NDUFAF5: variants seen among roughly 807,000 people sequenced by gnomAD.
The protein encoded by NDUFAF5 is arginine-hydroxylase NDUFAF5, mitochondrial.
A neutral mutation model predicts 48.9 loss-of-function variants in NDUFAF5; 34 were observed. The observed-to-expected ratio is 0.70, with a 90% CI of 0.53 to 0.93. The LOEUF (loss-of-function observed/expected upper bound fraction) is 0.93, where lower values mean the gene tolerates loss of function less well. Ranked by LOEUF, NDUFAF5 falls within the 40% of genes least tolerant of loss-of-function variation. The probability of loss-of-function intolerance (pLI) is 0.00; values close to 1 mark genes in which losing one functional copy is unlikely to be tolerated. For missense variants in NDUFAF5, 428 were observed against 427.5 expected, an observed-to-expected ratio of 1.00 and a Z score of -0.01; for synonymous variants, 153 against 150.6, an observed-to-expected ratio of 1.02 and a Z score of -0.12.
rs761678176 is a variant in NDUFAF5 at position 13,785,096 on chromosome 20, T to G, written c.28T>G (p.Leu10Val). The G allele has an allele frequency of 6.2e-7, 1 of 1,613,200 alleles. No homozygotes were observed. Among genetic ancestry groups the G allele is most frequent in the Non-Finnish European group, 8.5e-7 (1 of 1,179,924 alleles). MLRPAGLWR[L>V]CRRPWAARVP... ...GCTGCGGCCGGCAGGGCTCTGGCGC[T>G]TATGTCGGCGACCTTGGGCGGCGAG... is the stretch of plus-strand genomic sequence containing the variant. Residue 10 changes from leucine (L) to valine (V), a missense_variant, in exon 1 of 11, where the codon TTA becomes GTA. By Grantham distance (32) the Leu-to-Val change is conservative. Coordinates refer to ENST00000378106, the MANE Select transcript of NDUFAF5 (RefSeq NM_024120.5).
At chr20:13,786,197 A>G (rs1412817464) in intron 1 of NDUFAF5, among the ~76,000 whole-genome samples, 5 of 152,220 alleles carry the variant, frequency 3.3e-5, no homozygotes. Flanking sequence ...TAATGCAACA[A>G]ACAGTTATTG....
intron 8 of NDUFAF5, among the ~76,000 whole-genome samples, chr20:13,810,078 G>T (rs191451816): frequency 1.2e-4 from 18 of 152,326 alleles, no homozygotes; most frequent in African/African-American, 4.1e-4. Context: ...ATGTGGGTAG[G>T]TAGCTCAGAG....
intron 2 of NDUFAF5, among the ~76,000 whole-genome samples, chr20:13,788,195 G>A (rs1981535837): frequency 1.3e-5 from 2 of 152,178 alleles, no homozygotes; most frequent in Admixed American, 1.3e-4. Flanking sequence ...TGATTTCTAA[G>A]TATTCCACTG....
At chr20:13,808,067 C>T (rs1985333544) in intron 7 of NDUFAF5, among the ~76,000 whole-genome samples, 2 of 152,200 alleles carry the variant, frequency 1.3e-5, no homozygotes, top group South Asian at 2.1e-4. Context: ...AGCCCATCTC[C>T]ATCTTGTAGC....
intron 1 of NDUFAF5, 149 bp from the exon 2 acceptor site, chr20:13,787,163 T>C (rs1600313715): frequency 1.2e-6 from 1 of 855,190 alleles, no homozygotes; most frequent in South Asian, 1.4e-5. Flanking sequence ...TTTTGTTTCC[T>C]GGTGGTTTGA....
At position 13,785,093 on chromosome 20, in the gene NDUFAF5, C is replaced by T. The variant is rs768566143; in HGVS notation, c.25C>T (p.Arg9Cys). 8 of 1,612,778 alleles carry T rather than the reference C, an allele frequency of 5.0e-6. No homozygotes were observed. The highest frequency in any genetic ancestry group is 2.2e-5 in the East Asian group (1 of 44,888). Reference sequence around the variant, plus strand: ...GATGCTGCGGCCGGCAGGGCTCTGGCGCTTATGTCGGCGACCTTGGGCGGC... The same window carrying T: ...GATGCTGCGGCCGGCAGGGCTCTGGTGCTTATGTCGGCGACCTTGGGCGGC... Reference protein sequence around the residue: MLRPAGLWRLCRRPWAARV... With the variant: MLRPAGLWCLCRRPWAARV... The change falls in exon 1 of 11, where the codon CGC (arginine) becomes TGC (cysteine). Residue 9 changes from arginine (R) to cysteine (C), a missense_variant. Transcript: ENST00000378106.
chr20:13,785,366 G>A, intron 1 of NDUFAF5, 76 bp downstream of exon 1: 1 of 1,327,090 alleles, frequency 7.5e-7, no homozygotes, highest in South Asian at 1.3e-5. Context: ...TTCCGGCTAG[G>A]CCCCGAGCTC....
chr20:13,816,461 AG>A lies in NDUFAF5; in HGVS notation c.779del, dbSNP rs1487531695. The A allele has an allele frequency of 1.9e-6, 3 of 1,610,154 alleles. No individual in the cohort carries two copies. Among genetic ancestry groups the A allele is most frequent in the Admixed American group, 1.7e-5 (1 of 59,998 alleles). On this transcript the variant is annotated splice_acceptor_variant, in intron 8 of 10. Transcript: ENST00000378106. LOFTEE classifies it high-confidence loss of function. ...CTCAAACTACCTGTAGTGTATTTGTAGGTATGGGTGAGAGTAACTGTGCTTG... is the reference window on the plus strand; with the variant it reads ...CTCAAACTACCTGTAGTGTATTTGTAGTATGGGTGAGAGTAACTGTGCTTG...
intron 3 of NDUFAF5, 91 bp from the exon 4 acceptor site, chr20:13,793,089 T>C: frequency 3.5e-6 from 5 of 1,418,250 alleles, no homozygotes; most frequent in Non-Finnish European, 5.0e-6. Context: ...AAGCTGAAAA[T>C]TAAAATGTAA....
At chr20:13,804,166 C>A (rs1041472030) in intron 7 of NDUFAF5, among the ~76,000 whole-genome samples, 6 of 152,186 alleles carry the variant, frequency 3.9e-5, no homozygotes, top group African/African-American at 1.4e-4. Context: ...ACCTTAGTAA[C>A]AGAGCTAGAT....
rs578119329 is a variant in NDUFAF5 at position 13,793,414 on chromosome 20, C to T, written c.375+187C>T. On this transcript the variant is annotated intron_variant, in intron 4 of 10. Transcript: ENST00000378106. ...CCCTAGTCCTACCATTCAGAGGCAA[C>T]CATTGGTGGCACTTGGTCTCCACAT... Among the ~76,000 whole-genome samples the T allele has an allele frequency of 2.6e-5, 4 of 152,298 alleles. No individual in the cohort carries two copies. The East Asian group carries it at 7.7e-4, about 29-fold the overall frequency.
chr20:13,809,008 G>A, intron 8 of NDUFAF5, 106 bp downstream of exon 8: 3 of 764,216 alleles, frequency 3.9e-6, no homozygotes, highest in Non-Finnish European at 7.0e-6. Context: ...CAGCTCTTTG[G>A]CAGGCACTGG....
intron 6 of NDUFAF5, 41 bp from the exon 7 acceptor site, chr20:13,801,445 A>G (rs1449751996): frequency 1.5e-6 from 2 of 1,301,802 alleles, no homozygotes; most frequent in Non-Finnish European, 2.2e-6. Context: ...ATTTATATAT[A>G]TAAAAATTTG....
chr20:13,801,741 C>G, intron 7 of NDUFAF5, 58 bp downstream of exon 7: 1 of 1,427,840 alleles, frequency 7.0e-7, no homozygotes. Flanking sequence ...AACTTCTTAT[C>G]ATTTTAAAGA....
rs758325147 is a variant in NDUFAF5, at chr20:13,817,271, TA to T, written c.*65del. 8.1e-7 allele frequency: 1 copy of T among 1,229,886 alleles called. No individual in the cohort carries two copies. Among genetic ancestry groups the T allele is most frequent in the South Asian group, 1.2e-5 (1 of 83,198 alleles). 76.2% of individuals were successfully genotyped at this position (1,229,886 alleles called of 1,614,324 possible). On this transcript the variant is annotated 3_prime_UTR_variant, in exon 11 of 11. Transcript: ENST00000378106. ...ATCAGAAATGGATAGCTTTAACATCTAAAATTATTATATTTTGAAGCAAGAA... is the reference window on the plus strand; with the variant it reads ...ATCAGAAATGGATAGCTTTAACATCTAAATTATTATATTTTGAAGCAAGAA...
intron 5 of NDUFAF5, among the ~76,000 whole-genome samples, chr20:13,796,423 C>G (rs545629204): frequency 3.4e-4 from 52 of 152,260 alleles, no homozygotes; most frequent in Middle Eastern, 6.8e-3. Context: ...AATTCTGTTG[C>G]TTTCTGTTTT....
At chr20:13,814,033 A>G (rs1348818570) in intron 8 of NDUFAF5, 1 of 192,132 alleles carries the variant, frequency 5.2e-6, no homozygotes, top group Non-Finnish European at 1.1e-5. Flanking sequence ...TGAGGAAGGG[A>G]AGACTAGAGC....
intron 7 of NDUFAF5, among the ~76,000 whole-genome samples, chr20:13,806,727 C>T (rs2147583065): frequency 6.6e-6 from 1 of 152,254 alleles, no homozygotes; most frequent in East Asian, 1.9e-4. Context: ...CTCTTAAAAA[C>T]AGCTTGTTAA....
rs778718739 is a variant in NDUFAF5 at position 13,801,493 on chromosome 20, A to G, written c.527A>G (p.Tyr176Cys). The G allele has an allele frequency of 6.2e-7, 1 of 1,605,514 alleles. No individual in the cohort carries two copies. The highest frequency in any genetic ancestry group is 8.5e-7 in the Non-Finnish European group (1 of 1,173,726). ...DLPRALEQIHYILKPDGVFIG... is the reference protein window; with the variant it reads ...DLPRALEQIHCILKPDGVFIG... ...TTCTTGTATTTATTACAGATTCATT[A>G]TATTTTAAAACCAGATGGAGTGTTT... is the stretch of plus-strand genomic sequence containing the variant. Residue 176 changes from tyrosine to cysteine, a missense_variant, in exon 7 of 11, where the codon TAT becomes TGT. Tyr to Cys is a radical substitution (Grantham distance 194). Coordinates refer to ENST00000378106, the MANE Select transcript of NDUFAF5 (RefSeq NM_024120.5).
Sources: gnomAD v4.1 joint callset for allele counts (sites outside exome capture counted in the v4.1 genomes callset) on GRCh38, gnomAD v4.1.1 for gene constraint, MANE v1.5 for transcripts, NCBI Gene and HGNC (gene_info 2026-07-23, HGNC 2026-07-21) for gene names.